SEPTIN9: variants seen among roughly 807,000 people sequenced by gnomAD.
SEPTIN9 encodes septin 9.
A neutral mutation model predicts 56.6 loss-of-function variants in SEPTIN9; 13 were observed. That is an observed-to-expected ratio of 0.23 (90% CI 0.15 to 0.37). SEPTIN9 has a LOEUF of 0.37. Among genes scored for constraint, SEPTIN9 ranks in the 10% least tolerant of loss-of-function variants. SEPTIN9 has a pLI of 1.00. For missense variants in SEPTIN9, 650 were observed against 823.1 expected (o/e 0.79, Z 2.57); for synonymous variants, 332 against 334.1 (o/e 0.99, Z 0.07).
chr17:77,416,501 G>A (rs1164955445), intron 3 of SEPTIN9, among the ~76,000 whole-genome samples: 5 of 152,184 alleles, frequency 3.3e-5, no homozygotes, highest in African/African-American at 1.2e-4. Context: ...GGGACATGCC[G>A]GCAGCAGGCA....
intron 2 of SEPTIN9, among the ~76,000 whole-genome samples, chr17:77,347,775 C>T (rs1173639632): frequency 6.6e-6 from 1 of 152,018 alleles, no homozygotes; most frequent in Non-Finnish European, 1.5e-5. Context: ...TTGTGTTTCT[C>T]ACTTTCAGTA....
chr17:77,489,881 C>G (rs890531070), intron 7 of SEPTIN9, among the ~76,000 whole-genome samples: 1 of 152,226 alleles, frequency 6.6e-6, no homozygotes, highest in Admixed American at 6.5e-5. Context: ...GGCTCACCTG[C>G]GGTCCTGTGG....
chr17:77,396,148 G>C (rs1323471423), intron 2 of SEPTIN9, among the ~76,000 whole-genome samples: 1 of 152,262 alleles, frequency 6.6e-6, no homozygotes, highest in East Asian at 1.9e-4. Flanking sequence ...ATGGGTGGGG[G>C]GGTGACACTG....
At chr17:77,343,179 T>A (rs1598221277) in intron 2 of SEPTIN9, among the ~76,000 whole-genome samples, 1 of 152,316 alleles carries the variant, frequency 6.6e-6, no homozygotes, top group East Asian at 1.9e-4. Flanking sequence ...TAAGGGCTGG[T>A]TGCCAGGGGA....
At chr17:77,297,519 G>A (rs541452412) in intron 1 of SEPTIN9, among the ~76,000 whole-genome samples, 22 of 152,236 alleles carry the variant, frequency 1.4e-4, no homozygotes, top group African/African-American at 5.3e-4. Context: ...GACACCTGCC[G>A]TCAGCCACCA....
At chr17:77,297,077 G>A (rs1380933082) in intron 1 of SEPTIN9, among the ~76,000 whole-genome samples, 4 of 152,150 alleles carry the variant, frequency 2.6e-5, no homozygotes, top group Non-Finnish European at 5.9e-5. Context: ...AGATAGATAG[G>A]AAGGAATTTA....
Position 77,493,039 on chromosome 17 carries a change from G to A in SEPTIN9, c.1536G>A (p.Arg512=), listed in dbSNP as rs756265056. Residue 512 remains arginine (R), a synonymous_variant, in exon 10 of 12, where the codon AGG becomes AGA. Coordinates refer to ENST00000427177, the MANE Select transcript of SEPTIN9 (RefSeq NM_001113491.2). ...ACGAGTACCAGGTCAACGGCAAGAG[G>A]ATCCTTGGGAGGAAGACCAAGTGGG... ...SDHEYQVNGK[R]ILGRKTKWGT... The A allele has an allele frequency of 2.6e-6, 4 of 1,566,400 alleles. No individual in the cohort carries two copies. Among genetic ancestry groups the A allele is most frequent in the Non-Finnish European group, 1.7e-6 (2 of 1,155,908 alleles).
chr17:77,450,601 T>C lies in SEPTIN9; in HGVS notation c.722-31543T>C. On this transcript the variant is annotated intron_variant, in intron 3 of 11. Transcript: ENST00000427177. This position sits in a 1 kb window ranked among gnomAD's most constrained non-coding sequence, Gnocchi z 6.0. ...CAGCGTCCAGGCCCAGCCCCTATAG[T>C]GTCAGCTCCCTCCTCTGGGGACCCC... 6 of 985,706 alleles carry C rather than the reference T, an allele frequency of 6.1e-6. No homozygotes were observed. Among genetic ancestry groups the C allele is most frequent in the Non-Finnish European group, 7.2e-6 (6 of 830,176 alleles). The allele number at this position is 985,706 out of a possible 1,614,324, so 61.1% of individuals were successfully genotyped here.
At chr17:77,432,084 G>C (rs779049268) in intron 3 of SEPTIN9, among the ~76,000 whole-genome samples, 2 of 152,176 alleles carry the variant, frequency 1.3e-5, no homozygotes, top group East Asian at 3.9e-4. Context: ...CTCTCTCTGC[G>C]TGTTTCATGG....
chr17:77,450,215 C>T lies in SEPTIN9; in HGVS notation c.722-31929C>T, dbSNP rs1043624351. On this transcript the variant is annotated intron_variant, in intron 3 of 11. Coordinates refer to ENST00000427177, the MANE Select transcript of SEPTIN9 (RefSeq NM_001113491.2). The surrounding 1 kb of genome is among the most constrained non-coding windows in gnomAD (Gnocchi z 6.0). ...TGCCAGTGACTGCTGGCTGGGGAGC[C>T]GCTGGACGTGGCTGGCCTGTTTGGC... Among the ~76,000 whole-genome samples, 5 of 152,020 alleles carry T rather than the reference C, an allele frequency of 3.3e-5. No individual in the cohort carries two copies. The highest frequency in any genetic ancestry group is 2.9e-5 in the Non-Finnish European group (2 of 67,986).
intron 1 of SEPTIN9, among the ~76,000 whole-genome samples, chr17:77,284,476 T>C (rs2031182849): frequency 6.6e-6 from 1 of 152,198 alleles, no homozygotes; most frequent in African/African-American, 2.4e-5. Flanking sequence ...CTACAGGCAG[T>C]GTGGTCCAGT....
At chr17:77,441,101 C>G (rs1401725844) in intron 3 of SEPTIN9, among the ~76,000 whole-genome samples, 1 of 152,174 alleles carries the variant, frequency 6.6e-6, no homozygotes, top group Non-Finnish European at 1.5e-5. Flanking sequence ...GCTCCTGGTT[C>G]TGGGAGGAGA....
At position 77,421,316 on chromosome 17, in the gene SEPTIN9, A is replaced by G. The variant is rs1246029620; in HGVS notation, c.721+18613A>G. Among the ~76,000 whole-genome samples, 1 of 152,134 alleles carries G rather than the reference A, an allele frequency of 6.6e-6. No homozygotes were observed. Among genetic ancestry groups the G allele is most frequent in the African/African-American group, 2.4e-5 (1 of 41,432 alleles). On this transcript the variant is annotated intron_variant, in intron 3 of 11. Coordinates refer to ENST00000427177, the MANE Select transcript of SEPTIN9 (RefSeq NM_001113491.2). This position sits in a 1 kb window ranked among gnomAD's most constrained non-coding sequence, Gnocchi z 4.6. ...CCGTCTGTGGGGTGAGCAGGAACAG[A>G]TTGGAACCGCATTTCTCTCCCCCCA...
chr17:77,470,115 T>G (rs968032441), intron 3 of SEPTIN9, among the ~76,000 whole-genome samples: 4 of 134,994 alleles, frequency 3.0e-5, no homozygotes, highest in African/African-American at 1.1e-4. Flanking sequence ...ACTCATTCAC[T>G]CATCTGTCCA....
rs1412460279 is a variant in SEPTIN9 at position 77,498,515 on chromosome 17, C to G, written c.1626-8C>G. 1.7e-6 allele frequency: 1 copy of G among 596,676 alleles called. No homozygotes were observed. Among genetic ancestry groups the G allele is most frequent in the South Asian group, 1.5e-5 (1 of 66,512 alleles). 37.0% of individuals were successfully genotyped at this position (596,676 alleles called of 1,614,324 possible). A position where few individuals can be genotyped will look rare whatever the true frequency, so the allele number is the denominator to read the frequency against. On this transcript the variant is annotated splice_polypyrimidine_tract_variant and splice_region_variant and intron_variant, in intron 11 of 11. Coordinates refer to ENST00000427177, the MANE Select transcript of SEPTIN9 (RefSeq NM_001113491.2). Reference sequence around the variant, plus strand: ...CCTCACTGACCCGCCCGCCCCCCACCCCCACAGGACGCACATGCAGAACAT... The same window carrying G: ...CCTCACTGACCCGCCCGCCCCCCACGCCCACAGGACGCACATGCAGAACAT...
In SEPTIN9 at chr17:77,390,520, C is replaced by T. The variant is rs1442284389; in HGVS notation, c.77-11539C>T. Among the ~76,000 whole-genome samples the T allele has an allele frequency of 2.8e-5, 4 of 140,504 alleles. 1 individual carries two copies. Among genetic ancestry groups the T allele is most frequent in the South Asian group, 4.6e-4 (2 of 4,316 alleles). The allele number at this position is 140,504 out of a possible 152,430, so 92.2% of individuals were successfully genotyped here. ...AGGCTGGAGTGCAGTGGCGCGATCT[C>T]GGCTCGCTGCAAGCTCCGCCTCCCG... On this transcript the variant is annotated intron_variant, in intron 2 of 11. Transcript: ENST00000427177.
intron 1 of SEPTIN9, among the ~76,000 whole-genome samples, chr17:77,289,933 T>G (rs1056397953): frequency 6.6e-6 from 1 of 152,230 alleles, no homozygotes; most frequent in Non-Finnish European, 1.5e-5. Flanking sequence ...AGGGTTTGAT[T>G]TAATTATGAA....
rs312876 is a variant in SEPTIN9, at chr17:77,359,387, A to G, written c.77-42672A>G. Among the ~76,000 whole-genome samples, 645 of 152,352 alleles carry G rather than the reference A, an allele frequency of 4.2e-3. 6 individuals are homozygous for G. Among genetic ancestry groups the G allele is most frequent in the African/African-American group, 0.015 (610 of 41,580 alleles). ...GAAAAGAGCTTACCAAGGAGGTGGC[A>G]TTTGCACTGTGCTTAAGGGGCAAGA... On this transcript the variant is annotated intron_variant, in intron 2 of 11. Coordinates refer to ENST00000427177, the MANE Select transcript of SEPTIN9 (RefSeq NM_001113491.2).
Position 77,433,951 on chromosome 17 carries a change from G to A in SEPTIN9, c.721+31248G>A, listed in dbSNP as rs913817345. On this transcript the variant is annotated intron_variant, in intron 3 of 11. Transcript: ENST00000427177. The surrounding 1 kb of genome is among the most constrained non-coding windows in gnomAD (Gnocchi z 6.4). ...CTTGCTGTGGGGCCTCCCCCGATCG[G>A]GGGACTTCCCAGCACAGAGCTTTCT... Among the ~76,000 whole-genome samples the A allele has an allele frequency of 1.3e-5, 2 of 152,190 alleles. No homozygotes were observed. The highest frequency in any genetic ancestry group is 4.8e-5 in the African/African-American group (2 of 41,444).
Sources: allele counts gnomAD v4.1 joint callset (sites outside exome capture counted in the v4.1 genomes callset), GRCh38; gene constraint gnomAD v4.1.1; non-coding constraint Gnocchi (gnomAD v3.1); transcripts MANE v1.5; gene names NCBI Gene and HGNC (gene_info 2026-07-23, HGNC 2026-07-21).